The following LDLRAD3 variants were observed in gnomAD, a reference collection of about 807,000 sequenced individuals.
LDLRAD3 encodes low density lipoprotein receptor class A domain containing 3.
In LDLRAD3, 20 loss-of-function variants were observed where a neutral mutation model predicts 29.4. The observed-to-expected ratio is 0.68, with a 90% CI of 0.48 to 0.99. The LOEUF (loss-of-function observed/expected upper bound fraction) is 0.99. Ranked by LOEUF, LDLRAD3 falls within the 50% of genes least tolerant of loss-of-function variation. LDLRAD3 has a pLI of 0.00. For missense variants in LDLRAD3, 420 were observed against 454.3 expected (o/e 0.92, Z 0.69); for synonymous variants, 157 against 192.7 (o/e 0.81, Z 1.53).
intron 2 of LDLRAD3, among the ~76,000 whole-genome samples, chr11:36,074,495 C>CT (rs1347002081): frequency 6.6e-6 from 1 of 152,110 alleles, no homozygotes; most frequent in East Asian, 1.9e-4. Context: ...GCTGGCTGGG[C>CT]TTGAGAAGGA....
chr11:36,073,433 C>T (rs936602003), intron 2 of LDLRAD3, among the ~76,000 whole-genome samples: 9 of 152,216 alleles, frequency 5.9e-5, no homozygotes, highest in Non-Finnish European at 8.8e-5. Context: ...CACCTTCTGT[C>T]GGGCGCTGCT....
chr11:36,079,620 A>G (rs1285621349), intron 2 of LDLRAD3, among the ~76,000 whole-genome samples: 2 of 152,188 alleles, frequency 1.3e-5, no homozygotes, highest in Non-Finnish European at 2.9e-5. Flanking sequence ...TTTGTTAGCG[A>G]AAGTACAAAA....
chr11:35,971,641 T>C (rs1851413447), intron 1 of LDLRAD3, among the ~76,000 whole-genome samples: 1 of 152,168 alleles, frequency 6.6e-6, no homozygotes, highest in Non-Finnish European at 1.5e-5. Context: ...TCCAGAACTA[T>C]GTCTGTCATT....
At chr11:36,025,166 G>A (rs1422799757) in intron 1 of LDLRAD3, among the ~76,000 whole-genome samples, 1 of 152,056 alleles carries the variant, frequency 6.6e-6, no homozygotes, top group Non-Finnish European at 1.5e-5. Flanking sequence ...TTTGTAGTTG[G>A]TGGGGTTTTT....
intron 4 of LDLRAD3, among the ~76,000 whole-genome samples, chr11:36,143,322 CCT>C (rs1296677101): frequency 6.6e-6 from 1 of 152,364 alleles, no homozygotes; most frequent in South Asian, 2.1e-4. Context: ...GGCCTGGCGT[CCT>C]CTACCTCTTT....
At chr11:36,057,286 G>C (rs1462885698) in intron 2 of LDLRAD3, among the ~76,000 whole-genome samples, 1 of 152,184 alleles carries the variant, frequency 6.6e-6, no homozygotes, top group African/African-American at 2.4e-5. Context: ...ATTGGGTTTG[G>C]GATGGGGCCA....
chr11:35,999,549 C>T lies in LDLRAD3; in HGVS notation c.47-36554C>T, dbSNP rs189475698. ...CTTGGCTTCTCATTGGAGGCGGCTG[C>T]GTTCTCATCCTACCCACTACTTTCT... On this transcript the variant is annotated intron_variant, in intron 1 of 5. Coordinates refer to ENST00000315571, the MANE Select transcript of LDLRAD3 (RefSeq NM_174902.4). Among the ~76,000 whole-genome samples the T allele has an allele frequency of 2.6e-3, 401 of 152,286 alleles. 2 individuals carry two copies. Among genetic ancestry groups the T allele is most frequent in the African/African-American group, 8.1e-3 (337 of 41,562 alleles).
chr11:36,032,482 G>GAGTGAGA (rs1852248102), intron 1 of LDLRAD3, among the ~76,000 whole-genome samples: 1 of 152,184 alleles, frequency 6.6e-6, no homozygotes, highest in African/African-American at 2.4e-5. Context: ...GACCTGGAAG[G>GAGTGAGA]AGTGAGAAGT....
intron 2 of LDLRAD3, among the ~76,000 whole-genome samples, chr11:36,038,245 G>A (rs1852330168): frequency 6.6e-6 from 1 of 152,070 alleles, no homozygotes; most frequent in Non-Finnish European, 1.5e-5. Flanking sequence ...GTCTATTTTA[G>A]CTTTTCTCTG....
At chr11:35,956,048 C>A (rs1379492973) in intron 1 of LDLRAD3, among the ~76,000 whole-genome samples, 1 of 152,238 alleles carries the variant, frequency 6.6e-6, no homozygotes, top group East Asian at 1.9e-4. Context: ...AGTCTGACAC[C>A]AGTGGCTGCC....
chr11:35,946,872 C>T (rs909965223), intron 1 of LDLRAD3, among the ~76,000 whole-genome samples: 2 of 152,072 alleles, frequency 1.3e-5, no homozygotes, highest in African/African-American at 4.8e-5. Flanking sequence ...CAGCTCAGCT[C>T]GGGAAGATGA....
intron 2 of LDLRAD3, among the ~76,000 whole-genome samples, chr11:36,053,547 T>G (rs538953834): frequency 6.6e-6 from 1 of 152,230 alleles, no homozygotes; most frequent in South Asian, 2.1e-4. Context: ...GAAATAAACA[T>G]AAGGATGTAT....
At chr11:35,975,357 A>T (rs929540698) in intron 1 of LDLRAD3, among the ~76,000 whole-genome samples, 3 of 152,248 alleles carry the variant, frequency 2.0e-5, no homozygotes, top group African/African-American at 7.2e-5. Context: ...AAACAGCAGT[A>T]ATAGCAAAGC....
chr11:36,172,713 G>A lies in LDLRAD3; in HGVS notation c.455-54372G>A, dbSNP rs368861198. On this transcript the variant is annotated intron_variant, in intron 4 of 5. Transcript: ENST00000315571. ...GGTTGGATTATCTTTTTGATATGCTGTTGGATTCAGTTAGCTATCATTTTG... is the reference window on the plus strand; with the variant it reads ...GGTTGGATTATCTTTTTGATATGCTATTGGATTCAGTTAGCTATCATTTTG... 3.3e-5 allele frequency among the ~76,000 whole-genome samples: 5 copies of A among 152,174 alleles called. No individual in the cohort carries two copies. In the South Asian group the frequency reaches 1.0e-3, roughly 32 times the overall value.
intron 1 of LDLRAD3, chr11:35,968,245 T>C (rs1201728716): frequency 9.9e-6 from 4 of 404,438 alleles, no homozygotes; most frequent in Non-Finnish European, 1.9e-5. Flanking sequence ...AAGGGATTAG[T>C]ATTGACCAGA....
chr11:36,143,927 TCCCC>T (rs1854126047), intron 4 of LDLRAD3, among the ~76,000 whole-genome samples: 1 of 31,994 alleles, frequency 3.1e-5, no homozygotes, highest in African/African-American at 1.5e-4. Context: ...CCTCTCCCCC[TCCCC>T]CTCCCCCTCC....
chr11:36,196,146 T>C (rs868158435), intron 4 of LDLRAD3: 6 of 152,166 alleles, frequency 3.9e-5, no homozygotes, highest in Admixed American at 3.3e-4. Context: ...CTGGCAGGAA[T>C]AGGATACATC....
Position 36,166,959 on chromosome 11 carries a change from C to T in LDLRAD3, c.455-60126C>T, listed in dbSNP as rs570419310. On this transcript the variant is annotated intron_variant, in intron 4 of 5. Coordinates refer to ENST00000315571, the MANE Select transcript of LDLRAD3 (RefSeq NM_174902.4). ...TCCATAAATTCATAACCACCCAGCA[C>T]CTGTGTATGTGACCTTATTTGGATA... is the stretch of plus-strand genomic sequence containing the variant. Among the ~76,000 whole-genome samples, 123 of 152,228 alleles carry T rather than the reference C, an allele frequency of 8.1e-4. 3 individuals carry two copies. The highest frequency in any genetic ancestry group is 2.9e-3 in the African/African-American group (121 of 41,542).
chr11:35,998,986 A>G (rs987936909), intron 1 of LDLRAD3, among the ~76,000 whole-genome samples: 7 of 152,186 alleles, frequency 4.6e-5, no homozygotes, highest in Non-Finnish European at 7.4e-5. Context: ...GACACATTTA[A>G]TGAGGGCCAA....
Sources: allele counts gnomAD v4.1 joint callset (sites outside exome capture counted in the v4.1 genomes callset), GRCh38; gene constraint gnomAD v4.1.1; transcripts MANE v1.5; gene names NCBI Gene and HGNC (gene_info 2026-07-23, HGNC 2026-07-21).